IL1RAPL1: variants seen among roughly 807,000 people sequenced by gnomAD.
IL1RAPL1 encodes interleukin-1 receptor accessory protein-like 1.
A neutral mutation model predicts 48.4 loss-of-function variants in IL1RAPL1; 3 were observed. The ratio of observed to expected loss-of-function variants is 0.06; its 90% CI spans 0.03 to 0.16. The LOEUF is 0.16. IL1RAPL1 is among the 10% of genes least tolerant of loss of function. The pLI is 1.00. For synonymous variants in IL1RAPL1, 185 were observed against 187.7 expected (o/e 0.99, Z 0.12); for missense variants, 349 against 530.6 (o/e 0.66, Z 3.36).
intron 5 of IL1RAPL1, among the ~76,000 whole-genome samples, chrX:29,485,791 A>G (rs1376628768): frequency 2.7e-5 from 3 of 111,556 alleles, no homozygotes; most frequent in Non-Finnish European, 5.6e-5. Context: ...TGATGTCATC[A>G]CACTTCTTTG....
At chrX:29,194,466 T>A (rs1164424992) in intron 2 of IL1RAPL1, among the ~76,000 whole-genome samples, 1 of 112,679 alleles carries the variant, frequency 8.9e-6, no homozygotes, top group Non-Finnish European at 1.9e-5. Context: ...TGTGTAGATA[T>A]CTAATGTGTA....
chrX:29,396,477 A>G, intron 4 of IL1RAPL1, 33 bp downstream of exon 4: 2 of 1,140,417 alleles, frequency 1.8e-6, no homozygotes, highest in Non-Finnish European at 2.4e-6. Flanking sequence ...TTTCCTATTA[A>G]CAAATTAATT....
chrX:29,936,652 G>A (rs538440173), intron 8 of IL1RAPL1, among the ~76,000 whole-genome samples: 28 of 110,328 alleles, frequency 2.5e-4, no homozygotes, highest in African/African-American at 8.5e-4. Context: ...TTACCTTTTC[G>A]AAGATTTCTA....
At chrX:28,972,555 A>G (rs973708858) in intron 2 of IL1RAPL1, among the ~76,000 whole-genome samples, 4 of 110,213 alleles carry the variant, frequency 3.6e-5, no homozygotes, top group African/African-American at 1.3e-4. Flanking sequence ...TGGCTAATAC[A>G]GTGAAACCCC....
intron 6 of IL1RAPL1, among the ~76,000 whole-genome samples, chrX:29,728,657 A>C (rs1201622001): frequency 1.8e-5 from 2 of 112,625 alleles, no homozygotes; most frequent in Non-Finnish European, 3.7e-5. Flanking sequence ...TTAAGGATTC[A>C]AAGGTGAAAT....
At chrX:29,210,261 C>G (rs752801842) in intron 2 of IL1RAPL1, among the ~76,000 whole-genome samples, 6 of 111,780 alleles carry the variant, frequency 5.4e-5, no homozygotes, top group African/African-American at 1.9e-4. Context: ...AATAATATGA[C>G]GCTTCTAAAC....
intron 2 of IL1RAPL1, among the ~76,000 whole-genome samples, chrX:29,242,781 A>G (rs1474197274): frequency 8.9e-6 from 1 of 112,173 alleles, no homozygotes; most frequent in Non-Finnish European, 1.9e-5. Context: ...CACCCCAGTC[A>G]TTAAGCCAAG....
At chrX:29,304,086 C>T (rs1249290245) in intron 3 of IL1RAPL1, among the ~76,000 whole-genome samples, 1 of 111,522 alleles carries the variant, frequency 9.0e-6, no homozygotes, top group Non-Finnish European at 1.9e-5. Context: ...ATCCTCAGGT[C>T]GCTGGAACTT....
intron 1 of IL1RAPL1, among the ~76,000 whole-genome samples, chrX:28,707,450 A>G (rs1456878253): frequency 1.8e-5 from 2 of 112,386 alleles, no homozygotes; most frequent in African/African-American, 6.5e-5. Context: ...GTTACCTAAT[A>G]AGTCTGCACA....
intron 6 of IL1RAPL1, among the ~76,000 whole-genome samples, chrX:29,748,361 T>A (rs1411716489): frequency 8.9e-6 from 1 of 112,458 alleles, no homozygotes; most frequent in Non-Finnish European, 1.9e-5. Flanking sequence ...TATTGAACTC[T>A]AAGCCAATAA....
chrX:29,294,662 A>G (rs754530133), intron 3 of IL1RAPL1, among the ~76,000 whole-genome samples: 2 of 111,840 alleles, frequency 1.8e-5, no homozygotes, highest in African/African-American at 6.5e-5. Flanking sequence ...GTGTTTCAAT[A>G]AAACTTTACT....
At chrX:29,831,892 A>T (rs1011180110) in intron 6 of IL1RAPL1, among the ~76,000 whole-genome samples, 1 of 111,848 alleles carries the variant, frequency 8.9e-6, no homozygotes, top group Non-Finnish European at 1.9e-5. Flanking sequence ...TTATTATATA[A>T]GTTTATTAAT....
At chrX:29,145,025 G>A (rs747529440) in intron 2 of IL1RAPL1, among the ~76,000 whole-genome samples, 7 of 110,652 alleles carry the variant, frequency 6.3e-5, no homozygotes, top group Middle Eastern at 4.7e-3. Flanking sequence ...CACCATGCCC[G>A]GCCTGATCTT....
chrX:29,941,378 A>G (rs770644150), intron 8 of IL1RAPL1, among the ~76,000 whole-genome samples: 1 of 112,237 alleles, frequency 8.9e-6, no homozygotes, highest in Non-Finnish European at 1.9e-5. Context: ...AATTCTCTTA[A>G]TCCAAATGCA....
chrX:29,954,427 T>G, intron 9 of IL1RAPL1, 95 bp from the exon 10 acceptor site: 2 of 692,072 alleles, frequency 2.9e-6, no homozygotes, highest in Non-Finnish European at 2.3e-6. Context: ...AATGGGACAT[T>G]TGGAGACGTT....
rs1373059167 is a variant in IL1RAPL1 at position 29,564,943 on chromosome X, C to T, written c.704-103487C>T. Among the ~76,000 whole-genome samples, 9 of 111,354 alleles carry T rather than the reference C, an allele frequency of 8.1e-5. No individual in the cohort carries two copies. The East Asian group carries it at 1.7e-3, about 21-fold the overall frequency. On this transcript the variant is annotated intron_variant, in intron 5 of 10. Transcript: ENST00000378993. ...TGCCTTTTCAGGCTTCTAGAAACTCCGTGCATTCCTTGGCTCATGGCCCCT... is the reference window on the plus strand; with the variant it reads ...TGCCTTTTCAGGCTTCTAGAAACTCTGTGCATTCCTTGGCTCATGGCCCCT...
chrX:28,935,622 G>A (rs1217600685), intron 2 of IL1RAPL1, among the ~76,000 whole-genome samples: 2 of 111,664 alleles, frequency 1.8e-5, no homozygotes, highest in East Asian at 5.7e-4. Flanking sequence ...CCATGCTACT[G>A]TTACAGGAAT....
intron 5 of IL1RAPL1, among the ~76,000 whole-genome samples, chrX:29,489,875 G>T (rs1935137102): frequency 8.9e-6 from 1 of 111,852 alleles, no homozygotes; most frequent in Non-Finnish European, 1.9e-5. Flanking sequence ...TTAAAGGTCT[G>T]TACAGCTAGC....
chrX:29,468,606 C>G lies in IL1RAPL1; in HGVS notation c.703+69298C>G, dbSNP rs1298510624. Among the ~76,000 whole-genome samples, 4 of 111,994 alleles carry G rather than the reference C, an allele frequency of 3.6e-5. No homozygotes were observed. In the East Asian group the frequency reaches 8.4e-4, roughly 24 times the overall value. ...CACGGTGACCTTTAATTCATTTTCT[C>G]TTGTCTGGTCTTCTTTGCAGACACT... On this transcript the variant is annotated intron_variant, in intron 5 of 10. Coordinates refer to ENST00000378993, the MANE Select transcript of IL1RAPL1 (RefSeq NM_014271.4).
Sources: allele counts gnomAD v4.1 joint callset (sites outside exome capture counted in the v4.1 genomes callset), GRCh38; gene constraint gnomAD v4.1.1; transcripts MANE v1.5; gene names NCBI Gene and HGNC (gene_info 2026-07-23, HGNC 2026-07-21).